CSMD3: variants seen among roughly 807,000 people sequenced by gnomAD.
CSMD3 encodes CUB and Sushi multiple domains 3.
A neutral mutation model predicts 435.2 loss-of-function variants in CSMD3; 177 were observed. The ratio of observed to expected loss-of-function variants is 0.41; its 90% CI spans 0.36 to 0.46. The LOEUF (loss-of-function observed/expected upper bound fraction) is 0.46, where lower values mean the gene tolerates loss of function less well. Among genes scored for constraint, CSMD3 ranks in the 20% least tolerant of loss-of-function variants. The pLI, the probability that CSMD3 is intolerant of heterozygous loss-of-function variation, is 0.34. For missense variants in CSMD3, 4,265 were observed against 4,504.6 expected, an observed-to-expected ratio of 0.95 and a Z score of 1.52; for synonymous variants, 1,656 against 1,520.5, an observed-to-expected ratio of 1.09 and a Z score of -2.07.
intron 3 of CSMD3, among the ~76,000 whole-genome samples, chr8:113,272,704 A>T (rs2132427197): frequency 6.6e-6 from 1 of 152,314 alleles, no homozygotes; most frequent in South Asian, 2.1e-4. Context: ...ACTAATACAG[A>T]ACCTATTCAA....
At chr8:113,417,540 G>A (rs926257481) in intron 1 of CSMD3, among the ~76,000 whole-genome samples, 1 of 151,876 alleles carries the variant, frequency 6.6e-6, no homozygotes, top group Non-Finnish European at 1.5e-5. Context: ...TTTATGCCCC[G>A]AAGAAAACTG....
At position 112,556,840 on chromosome 8, in the gene CSMD3, G is replaced by A. The variant is rs1187439006; in HGVS notation, c.4157C>T (p.Thr1386Ile). The A allele has an allele frequency of 6.2e-7, 1 of 1,611,956 alleles. No homozygotes were observed. The highest frequency in any genetic ancestry group is 8.5e-7 in the Non-Finnish European group (1 of 1,178,610). Residue 1386 changes from threonine to isoleucine, a missense_variant, in exon 25 of 71, where the codon ACT becomes ATT. By Grantham distance (89) the Thr-to-Ile change is moderately conservative. Coordinates refer to ENST00000297405, the MANE Select transcript of CSMD3 (RefSeq NM_198123.2). ...CTTGAGAAGGCTACTTCCGTGGAGAGTGTAGCCTGGATTGCATCCATAAAT... is the reference window on the plus strand; with the variant it reads ...CTTGAGAAGGCTACTTCCGTGGAGAATGTAGCCTGGATTGCATCCATAAAT... ...TIIYGCNPGY[T>I]LHGSSLLKCM...
intron 37 of CSMD3, 31 bp from the exon 38 acceptor site, chr8:112,380,487 G>T: frequency 9.3e-7 from 1 of 1,069,644 alleles, no homozygotes; most frequent in South Asian, 1.3e-5. Context: ...GCAAGACAAT[G>T]ACCACATAAT....
intron 3 of CSMD3, among the ~76,000 whole-genome samples, chr8:113,220,564 C>T (rs368959837): frequency 5.9e-5 from 9 of 151,332 alleles, no homozygotes; most frequent in East Asian, 3.9e-4. Context: ...TTATAAATAA[C>T]AACGAAGAGA....
chr8:112,558,078 G>A (rs1459137117), intron 24 of CSMD3, among the ~76,000 whole-genome samples: 1 of 151,820 alleles, frequency 6.6e-6, no homozygotes, highest in Non-Finnish European at 1.5e-5. Flanking sequence ...CCAAAGTATG[G>A]CACTTTGGCA....
intron 4 of CSMD3, among the ~76,000 whole-genome samples, chr8:113,130,454 C>T (rs1490592549): frequency 6.6e-6 from 1 of 152,116 alleles, no homozygotes; most frequent in Non-Finnish European, 1.5e-5. Context: ...CTTCCTCCTG[C>T]TCTATCACAG....
chr8:112,578,012 T>C (rs528178326), intron 23 of CSMD3, among the ~76,000 whole-genome samples: 3 of 152,104 alleles, frequency 2.0e-5, no homozygotes, highest in East Asian at 1.9e-4. Context: ...TCTTGGATCC[T>C]AGCATTTTTA....
rs2076614310 is a variant in CSMD3 at position 112,711,742 on chromosome 8, GTATT to G, written c.1973-21696_1973-21693del. Among the ~76,000 whole-genome samples, 7 of 152,132 alleles carry G rather than the reference GTATT, an allele frequency of 4.6e-5. No individual in the cohort carries two copies. In the South Asian group the frequency reaches 1.2e-3, roughly 27 times the overall value. ...GTATATCAATATCATTGTTATTTAT[GTATT>G]TATTATGTGTTTATGTATTTTTTTA... On this transcript the variant is annotated intron_variant, in intron 13 of 70. Coordinates refer to ENST00000297405, the MANE Select transcript of CSMD3 (RefSeq NM_198123.2).
At chr8:113,325,944 T>G (rs913844118) in intron 1 of CSMD3, among the ~76,000 whole-genome samples, 1 of 152,202 alleles carries the variant, frequency 6.6e-6, no homozygotes, top group Admixed American at 6.5e-5. Context: ...CCAATATTTC[T>G]TCCTAACATA....
At chr8:112,759,865 A>G (rs961539910) in intron 13 of CSMD3, among the ~76,000 whole-genome samples, 10 of 152,216 alleles carry the variant, frequency 6.6e-5, no homozygotes, top group East Asian at 1.9e-4. Flanking sequence ...TCAGAATAAT[A>G]GCTATTATTT....
rs375167027 is a variant in CSMD3, at chr8:112,587,193, A to G, written c.3758T>C (p.Leu1253Pro). The G allele has an allele frequency of 5.6e-6, 9 of 1,610,312 alleles. No homozygotes were observed. In the African/African-American group the frequency reaches 1.1e-4, roughly 19 times the overall value. ...ASATNNEGIL[L>P]SPNYPLNYEN... Reference sequence around the variant, plus strand: ...ATAGTTGAGTGGATAATTTGGAGACAGCAAAATTCCTTCATTATTCGTTGC... The same window carrying G: ...ATAGTTGAGTGGATAATTTGGAGACGGCAAAATTCCTTCATTATTCGTTGC... Residue 1253 changes from leucine (L) to proline (P), a missense_variant, in exon 23 of 71, where the codon CTG (leucine) becomes CCG (proline). By Grantham distance (98) the Leu-to-Pro change is moderately conservative. Coordinates refer to ENST00000297405, the MANE Select transcript of CSMD3 (RefSeq NM_198123.2).
chr8:112,949,052 C>T (rs763562719), intron 8 of CSMD3, among the ~76,000 whole-genome samples: 3 of 151,840 alleles, frequency 2.0e-5, no homozygotes, highest in Admixed American at 6.6e-5. Flanking sequence ...CAAAGTGTTG[C>T]GGTTGTAGGT....
At chr8:112,907,742 A>T (rs955797030) in intron 10 of CSMD3, among the ~76,000 whole-genome samples, 1 of 151,378 alleles carries the variant, frequency 6.6e-6, no homozygotes, top group African/African-American at 2.4e-5. Flanking sequence ...GTTCAGAGTC[A>T]ATTTTTAGAG....
chr8:113,358,558 G>T (rs9650051), intron 1 of CSMD3, among the ~76,000 whole-genome samples: 48,631 of 152,028 alleles, frequency 0.32, 9,788 homozygotes, highest in Non-Finnish European at 0.47. Context: ...TCACCATAAT[G>T]ATTAGGCTGG....
At chr8:112,754,592 A>G (rs2077647563) in intron 13 of CSMD3, among the ~76,000 whole-genome samples, 1 of 152,226 alleles carries the variant, frequency 6.6e-6, no homozygotes, top group Non-Finnish European at 1.5e-5. Context: ...AAACCAGAAA[A>G]GAGCAGGAAA....
At chr8:112,489,699 T>A (rs1321350762) in intron 31 of CSMD3, among the ~76,000 whole-genome samples, 1 of 152,186 alleles carries the variant, frequency 6.6e-6, no homozygotes, top group Non-Finnish European at 1.5e-5. Flanking sequence ...TTTTAAAAAA[T>A]TCATTGTTTA....
intron 1 of CSMD3, among the ~76,000 whole-genome samples, chr8:113,372,850 C>A (rs1449642609): frequency 6.6e-6 from 1 of 150,550 alleles, no homozygotes; most frequent in Non-Finnish European, 1.5e-5. Flanking sequence ...AGGAGAACGG[C>A]GTGAACCCGG....
At chr8:112,836,227 G>A (rs1032436160) in intron 11 of CSMD3, among the ~76,000 whole-genome samples, 2 of 151,822 alleles carry the variant, frequency 1.3e-5, no homozygotes, top group African/African-American at 2.4e-5. Flanking sequence ...TTTTTCCAAA[G>A]TGAATGCAGG....
At chr8:112,786,636 G>T (rs1318217262) in intron 13 of CSMD3, among the ~76,000 whole-genome samples, 1 of 151,876 alleles carries the variant, frequency 6.6e-6, no homozygotes, top group Non-Finnish European at 1.5e-5. Flanking sequence ...AAGAAGACAT[G>T]CAAATGGAAA....
Sources: allele counts gnomAD v4.1 joint callset (sites outside exome capture counted in the v4.1 genomes callset), GRCh38; gene constraint gnomAD v4.1.1; transcripts MANE v1.5; gene names NCBI Gene and HGNC (gene_info 2026-07-23, HGNC 2026-07-21).